Variants in MYO7B observed in about 807,000 individuals in gnomAD.
The protein encoded by MYO7B is unconventional myosin-VIIb.
A neutral mutation model predicts 259.7 loss-of-function variants in MYO7B; 212 were observed. The observed-to-expected ratio is 0.82, with a 90% CI of 0.73 to 0.91. The LOEUF is 0.91. MYO7B is among the 40% of genes least tolerant of loss of function. The pLI, the probability that MYO7B is intolerant of heterozygous loss-of-function variation, is 0.00. For missense variants in MYO7B, 2,732 were observed against 2,813.5 expected (o/e 0.97, Z 0.66); for synonymous variants, 1,197 against 1,166.4 (o/e 1.03, Z -0.54).
In MYO7B at chr2:127,593,525, AC is replaced by A; in HGVS notation, c.2146-16del. The stretch of plus-strand genomic sequence containing the variant: ...GGTCTCTGCCCCACCTCCCACCGAT[AC>A]CCCCGTTTGGTCTTGGCAGCTGCAA... On this transcript the variant is annotated intron_variant, in intron 17 of 47. Coordinates refer to ENST00000409816, the MANE Select transcript of MYO7B (RefSeq NM_001393586.1). The A allele has an allele frequency of 2.5e-6, 4 of 1,608,734 alleles. No individual in the cohort carries two copies. The South Asian group carries it at 4.4e-5, about 18-fold the overall frequency.
chr2:127,537,899 G>A (rs138428440), intron 1 of MYO7B, among the ~76,000 whole-genome samples: 23 of 152,330 alleles, frequency 1.5e-4, no homozygotes, highest in African/African-American at 5.3e-4. Flanking sequence ...GGCAGAAGAC[G>A]AGCTCAGGAT....
At chr2:127,573,890 C>T in intron 6 of MYO7B, 30 bp from the exon 7 acceptor site, 3 of 1,613,526 alleles carry the variant, frequency 1.9e-6, no homozygotes, top group Non-Finnish European at 2.5e-6. Context: ...CTCTCTGCTC[C>T]CATCATGGGC....
At chr2:127,631,444 C>A in intron 37 of MYO7B, 81 bp downstream of exon 37, 1 of 1,555,784 alleles carries the variant, frequency 6.4e-7, no homozygotes, top group Non-Finnish European at 8.7e-7. Context: ...TACAGCTGTG[C>A]TCTAGGGCAG....
rs113521167 is a variant in MYO7B at position 127,620,760 on chromosome 2, G to A, written c.3525+294G>A. Among the ~76,000 whole-genome samples, 1,294 of 152,308 alleles carry A rather than the reference G, an allele frequency of 8.5e-3. 20 individuals carry two copies. The highest frequency in any genetic ancestry group is 0.029 in the African/African-American group (1,213 of 41,544). On this transcript the variant is annotated intron_variant, in intron 27 of 47. Coordinates refer to ENST00000409816, the MANE Select transcript of MYO7B (RefSeq NM_001393586.1). ...ACTAAAATGAGAAGGTAGATGACACGGGCCTTGAAAAGACAGGTGTCCAGG... is the reference window on the plus strand; with the variant it reads ...ACTAAAATGAGAAGGTAGATGACACAGGCCTTGAAAAGACAGGTGTCCAGG...
Position 127,610,750 on chromosome 2 carries a change from G to C in MYO7B, c.3192+734G>C, listed in dbSNP as rs777434. 2.9e-3 allele frequency among the ~76,000 whole-genome samples: 442 copies of C among 152,354 alleles called. 1 individual carries two copies. The highest frequency in any genetic ancestry group is 9.8e-3 in the African/African-American group (407 of 41,582). ...CCAGCTGGGACTTAGCTCAATACCTGTGGGGTCCTGTGTGCAGACTAACTG... is the reference window on the plus strand; with the variant it reads ...CCAGCTGGGACTTAGCTCAATACCTCTGGGGTCCTGTGTGCAGACTAACTG... On this transcript the variant is annotated intron_variant, in intron 24 of 47. Transcript: ENST00000409816.
chr2:127,591,034 T>C (rs1042207889), intron 16 of MYO7B, among the ~76,000 whole-genome samples: 1 of 151,968 alleles, frequency 6.6e-6, no homozygotes, highest in Non-Finnish European at 1.5e-5. Context: ...TTTAAAAGTA[T>C]AAAAATTAGC....
At chr2:127,632,144 T>C (rs1450632135) in intron 38 of MYO7B, 102 bp from the exon 39 acceptor site, 1 of 1,388,714 alleles carries the variant, frequency 7.2e-7, no homozygotes, top group African/African-American at 1.5e-5. Context: ...TCGGGCCCTC[T>C]AGACCCCAGG....
At chr2:127,552,367 A>G (rs957703921) in intron 1 of MYO7B, among the ~76,000 whole-genome samples, 11 of 152,282 alleles carry the variant, frequency 7.2e-5, no homozygotes, top group South Asian at 2.1e-4. Flanking sequence ...CAGAGGAGAC[A>G]TGGAAGGACC....
In MYO7B at chr2:127,631,309, A is replaced by G; in HGVS notation, c.5041A>G (p.Lys1681Glu). Reference protein sequence around the residue: ...SCEPLRQPLLKRVHANVDLWD... With the variant: ...SCEPLRQPLLERVHANVDLWD... ...CGAGCCGCTGCGACAGCCGCTGCTC[A>G]AGCGAGTCCACGCCAACGTCGACCT... Residue 1681 changes from lysine (K) to glutamate (E), a missense_variant, in exon 37 of 48, where the codon AAG (lysine) becomes GAG (glutamate). Transcript: ENST00000409816. 1.2e-6 allele frequency: 2 copies of G among 1,612,248 alleles called. No homozygotes were observed. The highest frequency in any genetic ancestry group is 1.7e-6 in the Non-Finnish European group (2 of 1,179,314).
Position 127,608,710 on chromosome 2 carries a change from G to A in MYO7B, c.2646G>A (p.Ala882=), listed in dbSNP as rs747172679. The change falls in exon 22 of 48, where the codon GCG becomes GCA. Residue 882 remains alanine, a splice_region_variant and synonymous_variant. Transcript: ENST00000409816. Reference sequence around the variant, plus strand: ...ACCTTCCTCCACGGGGTATGCAGGCGCCGCTGGTCATCCCGGCCGAGGGGC... The same window carrying A: ...ACCTTCCTCCACGGGGTATGCAGGCACCGCTGGTCATCCCGGCCGAGGGGC... ...RRNFQQRKAN[A]PLVIPAEGQK... The A allele has an allele frequency of 2.7e-5, 43 of 1,610,366 alleles. No homozygotes were observed. The highest frequency in any genetic ancestry group is 1.0e-4 in the Admixed American group (6 of 59,904).
intron 29 of MYO7B, among the ~76,000 whole-genome samples, chr2:127,623,652 C>G (rs914789607): frequency 2.0e-5 from 3 of 152,186 alleles, no homozygotes; most frequent in Non-Finnish European, 2.9e-5. Context: ...CAGCCACGCA[C>G]AGACATCAGG....
At chr2:127,599,809 T>TA (rs1161247710) in intron 19 of MYO7B, among the ~76,000 whole-genome samples, 1 of 152,236 alleles carries the variant, frequency 6.6e-6, no homozygotes, top group African/African-American at 2.4e-5. Flanking sequence ...TGTGGTGAGT[T>TA]ACGTTTACTG....
rs1017543078 is a variant in MYO7B at position 127,636,659 on chromosome 2, G to A, written c.6207+31G>A. 3 of 1,608,268 alleles carry A rather than the reference G, an allele frequency of 1.9e-6. No individual in the cohort carries two copies. The highest frequency in any genetic ancestry group is 2.7e-5 in the African/African-American group (2 of 74,856). The stretch of plus-strand genomic sequence containing the variant: ...TGCTGGGCCTCCGGAGGGGCTGGGG[G>A]CCACCAGGTCCAGGGACCTGTGCAG... On this transcript the variant is annotated intron_variant, in intron 46 of 47. Coordinates refer to ENST00000409816, the MANE Select transcript of MYO7B (RefSeq NM_001393586.1). The surrounding 1 kb of genome is among the most constrained non-coding windows in gnomAD (Gnocchi z 4.5).
chr2:127,548,940 G>A (rs1247345055), intron 1 of MYO7B, among the ~76,000 whole-genome samples: 1 of 152,004 alleles, frequency 6.6e-6, no homozygotes, highest in Non-Finnish European at 1.5e-5. Flanking sequence ...TTCCATTGTG[G>A]TCAGAGAACA....
chr2:127,589,022 G>A (rs1436479973), intron 15 of MYO7B, among the ~76,000 whole-genome samples: 1 of 147,498 alleles, frequency 6.8e-6, no homozygotes, highest in African/African-American at 2.5e-5. Context: ...ATGGGTGGTG[G>A]GTGGGTGGAT....
chr2:127,542,476 A>G (rs777606727), intron 1 of MYO7B, among the ~76,000 whole-genome samples: 2 of 152,234 alleles, frequency 1.3e-5, no homozygotes, highest in South Asian at 2.1e-4. Flanking sequence ...GAGGCTGTGC[A>G]GATGGTCATC....
chr2:127,588,760 ATGGGTGAG>A (rs1679406554), intron 15 of MYO7B, among the ~76,000 whole-genome samples: 1 of 93,558 alleles, frequency 1.1e-5, no homozygotes, highest in Admixed American at 1.3e-4. Flanking sequence ...GGGTGGGTGG[ATGGGTGAG>A]TGGATGGATG....
chr2:127,583,491 C>T (rs937709106), intron 12 of MYO7B, among the ~76,000 whole-genome samples: 1 of 152,204 alleles, frequency 6.6e-6, no homozygotes, highest in African/African-American at 2.4e-5. Context: ...GCGTCTGGCC[C>T]TGGGAGGGAC....
rs200344778 is a variant in MYO7B, at chr2:127,635,783, C to G, written c.5882C>G (p.Ala1961Gly). 1.9e-6 allele frequency: 3 copies of G among 1,597,878 alleles called. No homozygotes were observed. The South Asian group carries it at 3.4e-5, about 18-fold the overall frequency. The change falls in exon 44 of 48, where the codon GCG becomes GGG. Residue 1961 changes from alanine (A) to glycine (G), a missense_variant. Ala to Gly is a moderately conservative substitution (Grantham distance 60, BLOSUM62 0). Coordinates refer to ENST00000409816, the MANE Select transcript of MYO7B (RefSeq NM_001393586.1). The part of the protein sequence containing the change: ...KCSREDAIHL[A>G]GLIYKAQFNN... ...TCGCGGGAGGATGCCATCCACCTGG[C>G]GGGCCTCATCTACAAGGCCCAGTTC... is the stretch of plus-strand genomic sequence containing the variant.
Sources: gnomAD v4.1 joint callset for allele counts (sites outside exome capture counted in the v4.1 genomes callset) on GRCh38, gnomAD v4.1.1 for gene constraint, Gnocchi (gnomAD v3.1) non-coding constraint, MANE v1.5 for transcripts, NCBI Gene and HGNC (gene_info 2026-07-23, HGNC 2026-07-21) for gene names.